MAP4K3: variants seen among roughly 807,000 people sequenced by gnomAD.
MAP4K3 encodes mitogen-activated protein kinase kinase kinase kinase 3, also known as MAPK/ERK kinase kinase kinase 3.
MAP4K3 carries 94 observed loss-of-function variants against 143.5 expected under a neutral mutation model. The ratio of observed to expected loss-of-function variants is 0.65; its 90% CI spans 0.55 to 0.78. MAP4K3 has a LOEUF of 0.78. MAP4K3 is among the 30% of genes least tolerant of loss of function. The probability of loss-of-function intolerance (pLI) is 0.00; values close to 1 mark genes in which losing one functional copy is unlikely to be tolerated. For synonymous variants in MAP4K3, 416 were observed against 347.2 expected (o/e 1.20, Z -2.20); for missense variants, 1,077 against 1,068.1 (o/e 1.01, Z -0.12).
intron 1 of MAP4K3, among the ~76,000 whole-genome samples, chr2:39,396,337 C>A (rs1011024281): frequency 6.6e-6 from 1 of 152,088 alleles, no homozygotes; most frequent in African/African-American, 2.4e-5. Context: ...CTGCACCCGG[C>A]CTACAAGTAT....
intron 27 of MAP4K3, among the ~76,000 whole-genome samples, chr2:39,266,898 A>G (rs1400191627): frequency 1.3e-5 from 1 of 77,644 alleles, no homozygotes; most frequent in Non-Finnish European, 4.1e-5. Context: ...AGGGTGTGAT[A>G]AAATGTGGTA....
chr2:39,298,576 A>T (rs1465842815), intron 16 of MAP4K3, among the ~76,000 whole-genome samples: 1 of 152,190 alleles, frequency 6.6e-6, no homozygotes, highest in Admixed American at 6.5e-5. Context: ...TACCCTTAAA[A>T]CTAAGCTATT....
intron 1 of MAP4K3, among the ~76,000 whole-genome samples, chr2:39,391,921 A>T (rs1363011886): frequency 6.6e-6 from 1 of 152,052 alleles, no homozygotes; most frequent in Non-Finnish European, 1.5e-5. Context: ...GGTGGCTCAC[A>T]TCTGTAATCC....
At chr2:39,278,831 T>A (rs1219730927) in intron 23 of MAP4K3, among the ~76,000 whole-genome samples, 1 of 152,116 alleles carries the variant, frequency 6.6e-6, no homozygotes, top group Non-Finnish European at 1.5e-5. Context: ...ACATACAGAA[T>A]ATAAAATCGA....
rs1680430094 is a variant in MAP4K3 at position 39,258,339 on chromosome 2, T to C, written c.2470+9A>G. On this transcript the variant is annotated intron_variant, in intron 31 of 33. Transcript: ENST00000263881. ...TCATAATGCAAAGAATTATAAAACTTTGACTTACCTATTGATTCAATCTGG... is the reference window on the plus strand; with the variant it reads ...TCATAATGCAAAGAATTATAAAACTCTGACTTACCTATTGATTCAATCTGG... 6.5e-7 allele frequency: 1 copy of C among 1,550,128 alleles called. No homozygotes were observed. Among genetic ancestry groups the C allele is most frequent in the South Asian group, 1.2e-5 (1 of 85,732 alleles).
intron 2 of MAP4K3, among the ~76,000 whole-genome samples, chr2:39,374,980 G>A (rs1292878814): frequency 3.9e-5 from 6 of 152,084 alleles, no homozygotes; most frequent in African/African-American, 1.4e-4. Context: ...CTCTAATTTA[G>A]GCCAGACATA....
chr2:39,391,998 C>A (rs564583937), intron 1 of MAP4K3, among the ~76,000 whole-genome samples: 2 of 151,700 alleles, frequency 1.3e-5, no homozygotes, highest in Non-Finnish European at 2.9e-5. Context: ...CTGGCCAACA[C>A]GGTGAAACTC....
chr2:39,295,869 C>T (rs1226749041), intron 16 of MAP4K3, among the ~76,000 whole-genome samples: 1 of 151,888 alleles, frequency 6.6e-6, no homozygotes, highest in Admixed American at 6.6e-5. Context: ...CAGGCGTGCA[C>T]CACCATGCCC....
rs1414751095 is a variant in MAP4K3 at position 39,249,946 on chromosome 2, A to G, written c.*672T>C. ...ATTGGTTTGCTTCACATAGAAAACAATCCAAATACATTTGTGGAGCCAAAT... is the reference window on the plus strand; with the variant it reads ...ATTGGTTTGCTTCACATAGAAAACAGTCCAAATACATTTGTGGAGCCAAAT... On this transcript the variant is annotated 3_prime_UTR_variant, in exon 34 of 34. Coordinates refer to ENST00000263881, the MANE Select transcript of MAP4K3 (RefSeq NM_003618.4). 6.6e-6 allele frequency: 1 copy of G among 152,302 alleles called. No individual in the cohort carries two copies. The highest frequency in any genetic ancestry group is 1.5e-5 in the Non-Finnish European group (1 of 68,018). 9.4% of individuals were successfully genotyped at this position (152,302 alleles called of 1,614,324 possible).
At chr2:39,397,829 T>C (rs1168052079) in intron 1 of MAP4K3, among the ~76,000 whole-genome samples, 2 of 151,900 alleles carry the variant, frequency 1.3e-5, no homozygotes, top group Non-Finnish European at 2.9e-5. Context: ...GAGGAGATAA[T>C]CCAATGAAAA....
At chr2:39,313,038 A>G (rs1682993168) in intron 13 of MAP4K3, among the ~76,000 whole-genome samples, 1 of 152,188 alleles carries the variant, frequency 6.6e-6, no homozygotes, top group African/African-American at 2.4e-5. Context: ...GCATTTCCAG[A>G]AAGGGAGCAA....
intron 2 of MAP4K3, among the ~76,000 whole-genome samples, chr2:39,363,992 T>TAAAAAAAAAAAAAAA (rs70957104): frequency 3.1e-5 from 4 of 129,130 alleles, no homozygotes; most frequent in African/African-American, 3.1e-5. Flanking sequence ...ATAGCCATTA[T>TAAAAAAAAAAAAAAA]AAAAAAAAAA....
intron 4 of MAP4K3, among the ~76,000 whole-genome samples, chr2:39,338,186 C>T (rs1218745843): frequency 1.3e-5 from 2 of 152,162 alleles, no homozygotes; most frequent in South Asian, 2.1e-4. Context: ...AAAGTAGTCA[C>T]TGAAATTAAT....
chr2:39,415,934 G>A (rs1333666009), intron 1 of MAP4K3, among the ~76,000 whole-genome samples: 11 of 95,428 alleles, frequency 1.2e-4, no homozygotes, highest in Non-Finnish European at 1.8e-4. Context: ...GTCTGGGCGA[G>A]AGAGCAAGGC....
At chr2:39,290,739 T>G (rs7600636) in intron 18 of MAP4K3, among the ~76,000 whole-genome samples, 1 of 152,070 alleles carries the variant, frequency 6.6e-6, no homozygotes, top group African/African-American at 2.4e-5. Flanking sequence ...AGTATGTAAG[T>G]ATTACTACTC....
At chr2:39,345,674 C>T (rs573801513) in intron 3 of MAP4K3, among the ~76,000 whole-genome samples, 1 of 152,110 alleles carries the variant, frequency 6.6e-6, no homozygotes, top group Admixed American at 6.5e-5. Flanking sequence ...AATTCCAGCA[C>T]TTTGGGAGGC....
chr2:39,255,108 C>T (rs1362770409), intron 31 of MAP4K3, among the ~76,000 whole-genome samples: 1 of 152,086 alleles, frequency 6.6e-6, no homozygotes, highest in Non-Finnish European at 1.5e-5. Flanking sequence ...CATTCTCATG[C>T]ATGTTTTTAC....
chr2:39,312,807 T>G (rs1339417351), intron 13 of MAP4K3, among the ~76,000 whole-genome samples: 2 of 152,210 alleles, frequency 1.3e-5, no homozygotes, highest in African/African-American at 4.8e-5. Context: ...TTGAACAGCT[T>G]TCACCTATAC....
chr2:39,324,015 T>C (rs960259701), intron 12 of MAP4K3, among the ~76,000 whole-genome samples: 1 of 152,204 alleles, frequency 6.6e-6, no homozygotes, highest in African/African-American at 2.4e-5. Flanking sequence ...TACAGTCCCA[T>C]ACTACCATGC....
Sources: gnomAD v4.1 joint callset for allele counts (sites outside exome capture counted in the v4.1 genomes callset) on GRCh38, gnomAD v4.1.1 for gene constraint, MANE v1.5 for transcripts, NCBI Gene and HGNC (gene_info 2026-07-23, HGNC 2026-07-21) for gene names.